The following ADCY3 variants were observed in gnomAD, a reference collection of about 807,000 sequenced individuals.
The protein encoded by ADCY3 is adenylate cyclase 3.
ADCY3 carries 70 observed loss-of-function variants against 119.4 expected under a neutral mutation model. The observed-to-expected ratio is 0.59, with a 90% confidence interval of 0.48 to 0.72. ADCY3 has a LOEUF of 0.72. Among genes scored for constraint, ADCY3 ranks in the 30% least tolerant of loss-of-function variants. ADCY3 has a pLI of 0.00. For synonymous variants in ADCY3, 672 were observed against 621.4 expected, an observed-to-expected ratio of 1.08 and a Z score of -1.21; for missense variants, 1,238 against 1,541.6, an observed-to-expected ratio of 0.80 and a Z score of 3.30.
At chr2:24,846,981 G>C (rs1480609650) in intron 3 of ADCY3, among the ~76,000 whole-genome samples, 1 of 152,146 alleles carries the variant, frequency 6.6e-6, no homozygotes, top group South Asian at 2.1e-4. Flanking sequence ...TTAAGACTTT[G>C]GGGGGACTAT....
chr2:24,821,484 C>A (rs1667703045), intron 20 of ADCY3, 33 bp downstream of exon 20: 2 of 1,610,712 alleles, frequency 1.2e-6, no homozygotes, highest in African/African-American at 2.7e-5. Flanking sequence ...GGAAGGGAGC[C>A]TGCTGCGGGG....
chr2:24,830,882 C>T (rs1308249729), intron 12 of ADCY3, 57 bp from the exon 13 acceptor site: 8 of 1,381,540 alleles, frequency 5.8e-6, no homozygotes, highest in South Asian at 3.6e-5. Context: ...TCTCCTGCGA[C>T]GTGACTGACA....
intron 2 of ADCY3, among the ~76,000 whole-genome samples, chr2:24,884,699 A>G (rs991281403): frequency 2.7e-5 from 4 of 150,758 alleles, no homozygotes; most frequent in African/African-American, 9.8e-5. Flanking sequence ...CTGGTCTTGA[A>G]CTCCTGACCT....
At chr2:24,858,492 C>T (rs1320041073) in intron 3 of ADCY3, among the ~76,000 whole-genome samples, 1 of 152,176 alleles carries the variant, frequency 6.6e-6, no homozygotes, top group South Asian at 2.1e-4. Flanking sequence ...GAAGTGCCAG[C>T]TGGTAAATGA....
At chr2:24,900,189 C>G (rs1245306436) in intron 2 of ADCY3, among the ~76,000 whole-genome samples, 1 of 147,028 alleles carries the variant, frequency 6.8e-6, no homozygotes, top group African/African-American at 2.5e-5. Flanking sequence ...CGACTCACTG[C>G]AACCTCCGCC....
At chr2:24,822,900 A>G (rs529064325) in intron 18 of ADCY3, among the ~76,000 whole-genome samples, 1 of 152,182 alleles carries the variant, frequency 6.6e-6, no homozygotes, top group Non-Finnish European at 1.5e-5. Flanking sequence ...TCCCTGGTAT[A>G]CAGGTCACCC....
At position 24,821,591 on chromosome 2, in the gene ADCY3, T is replaced by A. The variant is rs779603357; in HGVS notation, c.3053A>T (p.Asp1018Val). 3.7e-6 allele frequency: 6 copies of A among 1,614,196 alleles called. No individual in the cohort carries two copies. Among genetic ancestry groups the A allele is most frequent in the Non-Finnish European group, 5.1e-6 (6 of 1,180,030 alleles). The change falls in exon 20 of 22, where the codon GAC becomes GTC. Residue 1018 changes from aspartate (D) to valine (V), a missense_variant. Physicochemically the swap from Asp to Val is radical, Grantham distance 152. Transcript: ENST00000679454. ...ERWQHLADLA[D>V]FALAMKDTLT... ...CGTATCCTTCATGGCCAGCGCGAAG[T>A]CGGCCAGGTCAGCCAGGTGCTGCCA...
intron 2 of ADCY3, among the ~76,000 whole-genome samples, chr2:24,909,240 C>A (rs551378324): frequency 1.3e-5 from 2 of 152,318 alleles, no homozygotes; most frequent in South Asian, 4.1e-4. Context: ...CCTCCTGCAC[C>A]ATGTCGACTT....
intron 21 of ADCY3, 97 bp from the exon 22 acceptor site, chr2:24,820,211 A>G (rs892804258): frequency 6.4e-6 from 8 of 1,252,968 alleles, no homozygotes; most frequent in African/African-American, 4.5e-5. Flanking sequence ...GCACTGATCC[A>G]TGGGTCCCAA....
chr2:24,861,977 TTAAAC>T (rs1673717735), intron 3 of ADCY3, among the ~76,000 whole-genome samples: 1 of 152,114 alleles, frequency 6.6e-6, no homozygotes, highest in African/African-American at 2.4e-5. Flanking sequence ...TTTCAGAAAA[TTAAAC>T]TAAAGACCAG....
chr2:24,895,628 C>CTT (rs921200012), intron 2 of ADCY3, among the ~76,000 whole-genome samples: 3 of 145,958 alleles, frequency 2.1e-5, no homozygotes, highest in African/African-American at 7.5e-5. Flanking sequence ...CTTTCTTCTT[C>CTT]TTTTTTTTTT....
rs1668056943 is a variant in ADCY3 at position 24,823,300 on chromosome 2, T to C, written c.2792A>G (p.Asn931Ser). 6.2e-7 allele frequency: 1 copy of C among 1,613,610 alleles called. No individual in the cohort carries two copies. Among genetic ancestry groups the C allele is most frequent in the African/African-American group, 1.3e-5 (1 of 74,862 alleles). ...EIGVMFASLPNFADFYTEESI... is the reference protein window; with the variant it reads ...EIGVMFASLPSFADFYTEESI... ...CTCCTCTGTGTAGAAGTCAGCAAAG[T>C]TGGGCAGGGAGGCAAACATGACTCC... Residue 931 changes from asparagine to serine, a missense_variant, in exon 18 of 22, where the codon AAC (asparagine) becomes AGC (serine). This residue lies in a region of ADCY3 where 37 missense variants were observed against 73.5 expected (regional missense o/e 0.50). Coordinates refer to ENST00000679454, the MANE Select transcript of ADCY3 (RefSeq NM_004036.5).
intron 3 of ADCY3, among the ~76,000 whole-genome samples, chr2:24,865,900 G>A (rs937170641): frequency 3.3e-5 from 5 of 152,106 alleles, no homozygotes; most frequent in Non-Finnish European, 5.9e-5. Flanking sequence ...GACCAGGGTC[G>A]AGAGGCTGGA....
chr2:24,903,782 T>C (rs1234195368), intron 2 of ADCY3, among the ~76,000 whole-genome samples: 2 of 152,108 alleles, frequency 1.3e-5, no homozygotes, highest in Non-Finnish European at 2.9e-5. Context: ...AGCGCCATGA[T>C]CCCTTTCTTC....
chr2:24,821,029 T>A (rs561632179), intron 20 of ADCY3, 181 bp from the exon 21 acceptor site: 1 of 891,050 alleles, frequency 1.1e-6, no homozygotes, highest in African/African-American at 1.7e-5. Context: ...TCCGTGTGCT[T>A]GTTAGGTGTC....
At position 24,820,048 on chromosome 2, in the gene ADCY3, A is replaced by G. The variant is rs1010834758; in HGVS notation, c.3319T>C (p.Phe1107Leu). ...AGCAGCTCCCCCTTCCCCTTCACAAAGATGGGGCCTCGCCTCACAAAGCGG... is the reference window on the plus strand; with the variant it reads ...AGCAGCTCCCCCTTCCCCTTCACAAGGATGGGGCCTCGCCTCACAAAGCGG... ...GFRFVRRGPIFVKGKGELLTF... is the reference protein window; with the variant it reads ...GFRFVRRGPILVKGKGELLTF... Residue 1107 changes from phenylalanine (F) to leucine (L), a missense_variant, in exon 22 of 22, where the codon TTT (phenylalanine) becomes CTT (leucine). Around this residue, in one of 7 missense-constraint regions of ADCY3, gnomAD observed 86 missense variants for 70.7 expected, o/e 1.22. Transcript: ENST00000679454. The G allele has an allele frequency of 6.2e-7, 1 of 1,604,298 alleles. No individual in the cohort carries two copies. Among genetic ancestry groups the G allele is most frequent in the African/African-American group, 1.3e-5 (1 of 74,116 alleles).
Position 24,842,402 on chromosome 2 carries a change from G to C in ADCY3, c.826-18C>G, listed in dbSNP as rs376824962. 52 of 1,613,870 alleles carry C rather than the reference G, an allele frequency of 3.2e-5. No homozygotes were observed. The highest frequency in any genetic ancestry group is 4.0e-5 in the Non-Finnish European group (47 of 1,179,944). ...AGGTTCTCCTGTGAGGGGCAGGAGA[G>C]GGTCAGAGGCAAAGGTAGGCCCTGC... On this transcript the variant is annotated intron_variant, in intron 3 of 21. Transcript: ENST00000679454. This position sits in a 1 kb window ranked among gnomAD's most constrained non-coding sequence, Gnocchi z 4.9.
intron 13 of ADCY3, 40 bp from the exon 14 acceptor site, chr2:24,828,201 G>T (rs557497923): frequency 1.9e-6 from 3 of 1,605,536 alleles, no homozygotes; most frequent in South Asian, 1.1e-5. Context: ...ACGTTCAAGA[G>T]AACAGCAGGT....
At chr2:24,910,733 G>A (rs1481975071) in intron 2 of ADCY3, among the ~76,000 whole-genome samples, 2 of 143,190 alleles carry the variant, frequency 1.4e-5, no homozygotes, top group Non-Finnish European at 3.0e-5. Flanking sequence ...TGCACTCTCT[G>A]CCTCCCAAGT....
Sources: allele counts gnomAD v4.1 joint callset (sites outside exome capture counted in the v4.1 genomes callset), GRCh38; gene constraint gnomAD v4.1.1; regional missense constraint gnomAD v4.1.1; non-coding constraint Gnocchi (gnomAD v3.1); transcripts MANE v1.5; gene names NCBI Gene and HGNC (gene_info 2026-07-23, HGNC 2026-07-21).